The following RBFOX1 variants were observed in gnomAD, a reference collection of about 807,000 sequenced individuals.
RBFOX1 encodes RNA binding protein fox-1 homolog 1.
A neutral mutation model predicts 57.7 loss-of-function variants in RBFOX1; 8 were observed. The observed-to-expected ratio is 0.14, with a 90% CI of 0.08 to 0.25. The LOEUF (loss-of-function observed/expected upper bound fraction) is 0.25, where lower values mean the gene tolerates loss of function less well. RBFOX1 is among the 10% of genes least tolerant of loss of function. The probability of loss-of-function intolerance (pLI) is 1.00; values close to 1 mark genes in which losing one functional copy is unlikely to be tolerated. For missense variants in RBFOX1, 611 were observed against 548.5 expected (o/e 1.11, Z -1.14); for synonymous variants, 326 against 222.4 (o/e 1.47, Z -4.15).
intron 2 of RBFOX1, among the ~76,000 whole-genome samples, chr16:6,425,159 C>G (rs937711784): frequency 1.3e-5 from 2 of 152,092 alleles, no homozygotes; most frequent in African/African-American, 2.4e-5. Flanking sequence ...GAGCTGAAAT[C>G]TGAGTAGATA....
chr16:7,577,296 C>G (rs2093415444), intron 5 of RBFOX1, among the ~76,000 whole-genome samples: 2 of 152,098 alleles, frequency 1.3e-5, no homozygotes, highest in South Asian at 4.1e-4. Flanking sequence ...GCACAGTGTC[C>G]TTTGATCTAG....
chr16:7,006,819 G>C (rs1421930114), intron 3 of RBFOX1, among the ~76,000 whole-genome samples: 1 of 152,148 alleles, frequency 6.6e-6, no homozygotes, highest in Non-Finnish European at 1.5e-5. Flanking sequence ...ACCTGCCCAA[G>C]AACCCTCAGC....
At chr16:6,867,861 C>G (rs950382942) in intron 3 of RBFOX1, among the ~76,000 whole-genome samples, 4 of 152,116 alleles carry the variant, frequency 2.6e-5, no homozygotes, top group South Asian at 2.1e-4. Context: ...GACAGGTGTC[C>G]CAGTTTCAAC....
intron 4 of RBFOX1, among the ~76,000 whole-genome samples, chr16:7,284,482 C>A (rs1482118598): frequency 1.3e-5 from 2 of 152,084 alleles, no homozygotes; most frequent in East Asian, 3.9e-4. Flanking sequence ...AGGCACTCAC[C>A]ACCACGCCTG....
In RBFOX1 at chr16:6,277,219, G is replaced by C. The variant is rs146466253; in HGVS notation, c.-126-39776G>C. Among the ~76,000 whole-genome samples, 658 of 152,108 alleles carry C rather than the reference G, an allele frequency of 4.3e-3. 10 individuals are homozygous for C. Among genetic ancestry groups the C allele is most frequent in the Non-Finnish European group, 4.8e-3 (326 of 67,992 alleles). On this transcript the variant is annotated intron_variant, in intron 1 of 15. Coordinates refer to ENST00000550418, the MANE Select transcript of RBFOX1 (RefSeq NM_018723.4). ...CTCACACCTGTAATCCCAGCACTTT[G>C]AGTGGCCAAGGCAGGCAGATAACTT...
chr16:7,693,187 C>T (rs945377864), intron 14 of RBFOX1: 5 of 721,010 alleles, frequency 6.9e-6, no homozygotes, highest in Admixed American at 4.1e-5. Flanking sequence ...TACATCAGCA[C>T]ATTTCCTCGC....
At chr16:7,249,540 T>G (rs555953880) in intron 4 of RBFOX1, among the ~76,000 whole-genome samples, 3 of 152,220 alleles carry the variant, frequency 2.0e-5, no homozygotes, top group South Asian at 4.1e-4. Flanking sequence ...TTTATATGTT[T>G]TGTAGTTTTT....
intron 1 of RBFOX1, among the ~76,000 whole-genome samples, chr16:6,062,085 A>G (rs941753248): frequency 3.9e-5 from 6 of 152,168 alleles, no homozygotes; most frequent in Non-Finnish European, 1.5e-5. Context: ...TACAATGGAT[A>G]GAGATGAACA....
At chr16:7,110,841 T>A (rs1197062410) in intron 4 of RBFOX1, among the ~76,000 whole-genome samples, 1 of 152,182 alleles carries the variant, frequency 6.6e-6, no homozygotes, top group Non-Finnish European at 1.5e-5. Context: ...TATTCTAGTA[T>A]ATAACTGGTA....
chr16:7,217,636 GA>G (rs200852680), intron 4 of RBFOX1, among the ~76,000 whole-genome samples: 42 of 149,856 alleles, frequency 2.8e-4, no homozygotes, highest in African/African-American at 8.6e-4. Context: ...GCTTGAAAAG[GA>G]AAAAAAAATG....
intron 4 of RBFOX1, among the ~76,000 whole-genome samples, chr16:7,334,122 C>T (rs1351557307): frequency 6.6e-6 from 1 of 152,098 alleles, no homozygotes; most frequent in Non-Finnish European, 1.5e-5. Flanking sequence ...ACTTTTCCCC[C>T]TACCTCTTCT....
intron 3 of RBFOX1, among the ~76,000 whole-genome samples, chr16:6,722,302 C>T (rs955060059): frequency 6.8e-6 from 1 of 146,604 alleles, no homozygotes; most frequent in Non-Finnish European, 1.5e-5. Flanking sequence ...ACAGCCTCGC[C>T]AACTTTTGTT....
chr16:7,473,611 C>T (rs1042715624), intron 4 of RBFOX1, among the ~76,000 whole-genome samples: 3 of 151,632 alleles, frequency 2.0e-5, no homozygotes, highest in Non-Finnish European at 2.9e-5. Flanking sequence ...TTATGAGTTA[C>T]AGGAGCAGCT....
chr16:5,452,100 ATC>A (rs908178723), intron 1 of RBFOX1, among the ~76,000 whole-genome samples: 11 of 140,526 alleles, frequency 7.8e-5, no homozygotes, highest in Admixed American at 3.5e-4. Flanking sequence ...ATTCTGATTT[ATC>A]TCTCTCTCTC....
At chr16:7,600,028 G>A (rs1459619003) in intron 9 of RBFOX1, among the ~76,000 whole-genome samples, 1 of 152,108 alleles carries the variant, frequency 6.6e-6, no homozygotes, top group Non-Finnish European at 1.5e-5. Flanking sequence ...TTGTAGAAAT[G>A]CACTCAAGTG....
At chr16:6,551,256 A>G (rs1017781823) in intron 2 of RBFOX1, among the ~76,000 whole-genome samples, 3 of 152,198 alleles carry the variant, frequency 2.0e-5, no homozygotes, top group Admixed American at 6.5e-5. Context: ...ACATGTAATG[A>G]GTAAATACAT....
At chr16:7,507,734 T>C (rs776065500) in intron 4 of RBFOX1, among the ~76,000 whole-genome samples, 1 of 151,612 alleles carries the variant, frequency 6.6e-6, no homozygotes, top group African/African-American at 2.4e-5. Context: ...TGGCTAATTG[T>C]TGGTAATTTT....
At chr16:6,486,128 A>C (rs1303782305) in intron 2 of RBFOX1, among the ~76,000 whole-genome samples, 4 of 122,460 alleles carry the variant, frequency 3.3e-5, no homozygotes, top group Admixed American at 2.1e-4. Context: ...GCCTTCCTAT[A>C]AACTATAGTT....
chr16:6,236,842 A>G (rs1598663069), intron 1 of RBFOX1, among the ~76,000 whole-genome samples: 1 of 152,104 alleles, frequency 6.6e-6, no homozygotes, highest in African/African-American at 2.4e-5. Context: ...CCCATTGGAT[A>G]TTTTATTCCT....
Sources: gnomAD v4.1 joint callset for allele counts (sites outside exome capture counted in the v4.1 genomes callset) on GRCh38, gnomAD v4.1.1 for gene constraint, MANE v1.5 for transcripts, NCBI Gene and HGNC (gene_info 2026-07-23, HGNC 2026-07-21) for gene names.